Variants in CCDC181 observed in about 807,000 individuals in gnomAD.
CCDC181 encodes coiled-coil domain containing 181, also known as coiled-coil domain-containing protein 181.
CCDC181 carries 35 observed loss-of-function variants against 58.7 expected under a neutral mutation model. That is an observed-to-expected ratio of 0.60 (90% CI 0.46 to 0.79). The LOEUF (loss-of-function observed/expected upper bound fraction) is 0.79. CCDC181 is among the 30% of genes least tolerant of loss of function. CCDC181 has a pLI of 0.00. For synonymous variants in CCDC181, 183 were observed against 197.5 expected, an observed-to-expected ratio of 0.93 and a Z score of 0.62; for missense variants, 517 against 583.9, an observed-to-expected ratio of 0.89 and a Z score of 1.18.
chr1:169,415,872 C>T (rs1656192204), intron 4 of CCDC181, among the ~76,000 whole-genome samples: 2 of 152,200 alleles, frequency 1.3e-5, no homozygotes, highest in African/African-American at 2.4e-5. Flanking sequence ...ATCCTCATCA[C>T]ACAAACTACT....
At chr1:169,456,356 C>A (rs554903286) in intron 2 of CCDC181, among the ~76,000 whole-genome samples, 1 of 152,052 alleles carries the variant, frequency 6.6e-6, no homozygotes, top group Non-Finnish European at 1.5e-5. Flanking sequence ...CTAAGTACCT[C>A]GCATAAGCCC....
chr1:169,439,347 T>C (rs1196114574), intron 2 of CCDC181, among the ~76,000 whole-genome samples: 2 of 152,208 alleles, frequency 1.3e-5, no homozygotes, highest in Non-Finnish European at 2.9e-5. Flanking sequence ...AGAGACACCC[T>C]GTGATAGGGC....
chr1:169,453,459 T>C (rs1657602667), intron 2 of CCDC181, among the ~76,000 whole-genome samples: 2 of 152,080 alleles, frequency 1.3e-5, no homozygotes, highest in Admixed American at 6.6e-5. Flanking sequence ...TAGTCTAATA[T>C]ACAAATATAT....
chr1:169,399,205 G>A (rs1361557744), intron 4 of CCDC181, among the ~76,000 whole-genome samples: 1 of 152,172 alleles, frequency 6.6e-6, no homozygotes, highest in African/African-American at 2.4e-5. Context: ...CTGCTATGTG[G>A]AAAACTGAAT....
At chr1:169,409,506 C>T (rs1313901303) in intron 4 of CCDC181, among the ~76,000 whole-genome samples, 1 of 152,206 alleles carries the variant, frequency 6.6e-6, no homozygotes, top group African/African-American at 2.4e-5. Context: ...CCTACCAAGG[C>T]AGGCAAACAT....
In CCDC181 at chr1:169,395,190, G is replaced by A. The variant is rs370391570; in HGVS notation, c.1387C>T (p.Arg463Trp). ...RAFKQWLRRK[R>W]MEKMAEQQAV... ...TGTTGCTCTGCCATTTTTTCCATCC[G>A]TTTCCTTCTTAACCATCTGTAGAAA... The change falls in exon 6 of 6, where the codon CGG becomes TGG. Residue 463 changes from arginine to tryptophan, a missense_variant. Coordinates refer to ENST00000367806, the MANE Select transcript of CCDC181 (RefSeq NM_001300969.2). 4.2e-5 allele frequency: 68 copies of A among 1,610,780 alleles called. No homozygotes were observed. The highest frequency in any genetic ancestry group is 5.3e-5 in the Non-Finnish European group (62 of 1,178,878).
At position 169,397,229 on chromosome 1, in the gene CCDC181, T is replaced by C; in HGVS notation, c.1370+8A>G. ...GAGGAGGGGGGAAATGCCCTGCCTT[T>C]AACTTACTGTTTAAAGGCCCTTTCC... On this transcript the variant is annotated splice_region_variant and intron_variant, in intron 5 of 5. Coordinates refer to ENST00000367806, the MANE Select transcript of CCDC181 (RefSeq NM_001300969.2). The C allele has an allele frequency of 6.3e-7, 1 of 1,574,900 alleles. No homozygotes were observed. Among genetic ancestry groups the C allele is most frequent in the Non-Finnish European group, 8.6e-7 (1 of 1,163,750 alleles).
chr1:169,449,393 C>T (rs1274613192), intron 2 of CCDC181, among the ~76,000 whole-genome samples: 1 of 152,108 alleles, frequency 6.6e-6, no homozygotes, highest in Non-Finnish European at 1.5e-5. Flanking sequence ...ATTTGGGCCT[C>T]CCTGTATTAG....
chr1:169,449,629 G>T (rs1419218714), intron 2 of CCDC181, among the ~76,000 whole-genome samples: 1 of 152,226 alleles, frequency 6.6e-6, no homozygotes, highest in Non-Finnish European at 1.5e-5. Flanking sequence ...CAAACCAATG[G>T]TGTAGGTCCA....
chr1:169,445,679 T>C (rs12022776), intron 2 of CCDC181, among the ~76,000 whole-genome samples: 81,426 of 151,968 alleles, frequency 0.54, 22,674 homozygotes, highest in Non-Finnish European at 0.6. Flanking sequence ...TTTGCTTCTA[T>C]TTTCTAGAAG....
rs1655102082 is a variant in CCDC181, at chr1:169,397,300, C to T, written c.1307G>A (p.Arg436Lys). 1 of 1,611,554 alleles carries T rather than the reference C, an allele frequency of 6.2e-7. No homozygotes were observed. Among genetic ancestry groups the T allele is most frequent in the Non-Finnish European group, 8.5e-7 (1 of 1,178,906 alleles). The change falls in exon 5 of 6, where the codon AGA (arginine) becomes AAA (lysine). Residue 436 changes from arginine to lysine, a missense_variant. Arg to Lys is a conservative substitution (Grantham distance 26, BLOSUM62 2). Transcript: ENST00000367806. ...QMKERQTEELRKQEECLFFLK... is the reference protein window; with the variant it reads ...QMKERQTEELKKQEECLFFLK... ...GAAGAATAAACATTCCTCTTGCTTT[C>T]TTAGTTCTTCTGTCTGTCTTTCTTT...
chr1:169,444,387 A>G (rs1428605192), intron 2 of CCDC181, among the ~76,000 whole-genome samples: 5 of 152,162 alleles, frequency 3.3e-5, no homozygotes, highest in African/African-American at 4.8e-5. Context: ...TTTTAAAGTA[A>G]TTTCTCAGGT....
chr1:169,453,846 T>C (rs184864301), intron 2 of CCDC181, among the ~76,000 whole-genome samples: 1 of 152,070 alleles, frequency 6.6e-6, no homozygotes, highest in African/African-American at 2.4e-5. Context: ...GCCACAATAG[T>C]TTCAAGTCTA....
chr1:169,423,465 A>G lies in CCDC181; in HGVS notation c.118-1152T>C, dbSNP rs80061171. Among the ~76,000 whole-genome samples, 947 of 152,030 alleles carry G rather than the reference A, an allele frequency of 6.2e-3. 10 individuals are homozygous for G. The highest frequency in any genetic ancestry group is 0.022 in the African/African-American group (894 of 41,504). The stretch of plus-strand genomic sequence containing the variant: ...TTTCTTTTGAAAACCCACTTTTTAC[A>G]AAAAAATCTTCCCCTGACCCTCTTA... On this transcript the variant is annotated intron_variant, in intron 2 of 5. Transcript: ENST00000367806.
At chr1:169,429,246 G>A (rs931977904), upstream of CCDC181, among the ~76,000 whole-genome samples, 1 of 152,206 alleles carries the variant, frequency 6.6e-6, no homozygotes, top group East Asian at 1.9e-4. Context: ...TTGTAATTGC[G>A]AATTGTGCTG....
rs59740100 is a variant in CCDC181, at chr1:169,410,456, C to A, written c.1215+8557G>T. On this transcript the variant is annotated intron_variant, in intron 4 of 5. Transcript: ENST00000367806. ...ACAATAATAGTGGGAGACTTTAACACCCTGCTGTCAATATTAGACAGATCG... is the reference window on the plus strand; with the variant it reads ...ACAATAATAGTGGGAGACTTTAACAACCTGCTGTCAATATTAGACAGATCG... 3.8e-4 allele frequency among the ~76,000 whole-genome samples: 58 copies of A among 152,298 alleles called. No homozygotes were observed. The East Asian group carries it at 9.7e-3, about 25-fold the overall frequency.
upstream of CCDC181, among the ~76,000 whole-genome samples, chr1:169,430,668 G>GAA (rs35082762): frequency 5.8e-4 from 86 of 148,322 alleles, no homozygotes; most frequent in East Asian, 3.0e-3. Flanking sequence ...CAAAGAATTG[G>GAA]AAAAAAAAAA....
At chr1:169,434,197 TAAC>T (rs1656994833) in intron 2 of CCDC181, among the ~76,000 whole-genome samples, 1 of 152,000 alleles carries the variant, frequency 6.6e-6, no homozygotes, top group Admixed American at 6.6e-5. Context: ...GAAAAGATGC[TAAC>T]TATCACTAAT....
At position 169,406,926 on chromosome 1, in the gene CCDC181, A is replaced by G. The variant is rs1460296371; in HGVS notation, c.1216-9535T>C. Among the ~76,000 whole-genome samples the G allele has an allele frequency of 2.6e-5, 4 of 152,148 alleles. No individual in the cohort carries two copies. The East Asian group carries it at 7.7e-4, about 29-fold the overall frequency. ...TACTGATGCCTCAAGATGGATCAAT[A>G]GAAATGATGTAAACTGAACAAATGA... On this transcript the variant is annotated intron_variant, in intron 4 of 5. Coordinates refer to ENST00000367806, the MANE Select transcript of CCDC181 (RefSeq NM_001300969.2).
Sources: gnomAD v4.1 joint callset for allele counts (sites outside exome capture counted in the v4.1 genomes callset) on GRCh38, gnomAD v4.1.1 for gene constraint, MANE v1.5 for transcripts, NCBI Gene and HGNC (gene_info 2026-07-23, HGNC 2026-07-21) for gene names.